UBFD1: variants seen among roughly 807,000 people sequenced by gnomAD.
The protein encoded by UBFD1 is ubiquitin domain-containing protein UBFD1.
UBFD1 carries 12 observed loss-of-function variants against 35.1 expected under a neutral mutation model. The ratio of observed to expected loss-of-function variants is 0.34; its 90% CI spans 0.22 to 0.55. The LOEUF (loss-of-function observed/expected upper bound fraction) is 0.55. UBFD1 is among the 20% of genes least tolerant of loss of function. The pLI, the probability that UBFD1 is intolerant of heterozygous loss-of-function variation, is 0.89. For missense variants in UBFD1, 337 were observed against 410.8 expected, an observed-to-expected ratio of 0.82 and a Z score of 1.55; for synonymous variants, 178 against 167.6, an observed-to-expected ratio of 1.06 and a Z score of -0.48.
chr16:23,558,105 C>T lies in UBFD1; in HGVS notation c.181C>T (p.Pro61Ser), dbSNP rs1203828850. 20 of 1,562,034 alleles carry T rather than the reference C, an allele frequency of 1.3e-5. No individual in the cohort carries two copies. The highest frequency in any genetic ancestry group is 5.2e-5 in the East Asian group (2 of 38,606). Residue 61 changes from proline (P) to serine (S), a missense_variant, in exon 2 of 7, where the codon CCC becomes TCC. By Grantham distance (74) the Pro-to-Ser change is moderately conservative (BLOSUM62 -1). Around this residue, in one of 4 missense-constraint regions of UBFD1, gnomAD observed 198 missense variants for 168.4 expected, o/e 1.18. Transcript: ENST00000395878. ...CAGCCTGCAGCCGGCCCCGGCCCAG[C>T]CCCCTGGGGACCCCGCAGCCCAGGC... ...RGSLQPAPAQPPGDPAAQASV... is the reference protein window; with the variant it reads ...RGSLQPAPAQSPGDPAAQASV...
Position 23,570,950 on chromosome 16 carries a change from A to ATTT in UBFD1, c.*360_*361insTTT, listed in dbSNP as rs1567402898. The ATTT allele has an allele frequency of 8.3e-4, 52 of 62,840 alleles. No individual in the cohort carries two copies. Among genetic ancestry groups the ATTT allele is most frequent in the Non-Finnish European group, 1.6e-3 (44 of 26,886 alleles). The allele number at this position is 62,840 out of a possible 1,614,324, so 3.9% of individuals were successfully genotyped here. On this transcript the variant is annotated 3_prime_UTR_variant, in exon 7 of 7. Transcript: ENST00000395878. ...ATGATCAAAAGCTTTGTTTTTTTTA[A>ATTT]AAAAAAAAAAAGCAGTTTCAATTGA...
chr16:23,570,495 C>T lies in UBFD1; in HGVS notation c.835C>T (p.Pro279Ser), dbSNP rs553235584. 9.2e-5 allele frequency: 148 copies of T among 1,613,872 alleles called. 3 individuals carry two copies. The South Asian group carries it at 1.5e-3, about 16-fold the overall frequency. ...TCCCTTCCAGGCGTTTCAGTTGGGC[C>T]CCACGGAAGCCTCTTACTACTGGGT... ...DYHMMAFQLG[P>S]TEASYYWVYW... is the part of the protein sequence containing the mutation. Residue 279 changes from proline (P) to serine (S), a missense_variant, in exon 7 of 7, where the codon CCC becomes TCC. Physicochemically the swap from Pro to Ser is moderately conservative, Grantham distance 74. This residue lies in a region of UBFD1 where 71 missense variants were observed against 149.6 expected (regional missense o/e 0.47). Coordinates refer to ENST00000395878, the MANE Select transcript of UBFD1 (RefSeq NM_019116.3).
chr16:23,560,762 A>G (rs1446115155), intron 3 of UBFD1, among the ~76,000 whole-genome samples: 1 of 152,198 alleles, frequency 6.6e-6, no homozygotes, highest in African/African-American at 2.4e-5. Flanking sequence ...TGAAAGTTCA[A>G]AACTCTAGGG....
At chr16:23,559,270 A>G (rs1407945561) in intron 2 of UBFD1, 198 bp from the exon 3 acceptor site, 2 of 535,726 alleles carry the variant, frequency 3.7e-6, no homozygotes, top group African/African-American at 3.8e-5. Flanking sequence ...ACAGGTCTGT[A>G]CAGAAGGACT....
At position 23,559,685 on chromosome 16, in the gene UBFD1, A is replaced by G. The variant is rs758091122; in HGVS notation, c.564+9A>G. ...CTCTCTGCAGGCAGAAAGTGAGTCC[A>G]TCTTGTGCTTCTTGGTCTTGAGAAA... On this transcript the variant is annotated intron_variant, in intron 3 of 6. Coordinates refer to ENST00000395878, the MANE Select transcript of UBFD1 (RefSeq NM_019116.3). 23 of 1,614,158 alleles carry G rather than the reference A, an allele frequency of 1.4e-5. No homozygotes were observed. The highest frequency in any genetic ancestry group is 2.2e-5 in the East Asian group (1 of 44,890).
Position 23,562,069 on chromosome 16 carries a change from A to C in UBFD1, c.565-137A>C, listed in dbSNP as rs542781044. 9.4e-6 allele frequency: 7 copies of C among 744,948 alleles called. No homozygotes were observed. The Admixed American group carries it at 1.6e-4, about 17-fold the overall frequency. 46.1% of individuals were successfully genotyped at this position (744,948 alleles called of 1,614,324 possible). Reference sequence around the variant, plus strand: ...CTGGACAGCACTGTGCTATAGTTTCAAAGGATCCATAGTCTGTCGTCATTA... The same window carrying C: ...CTGGACAGCACTGTGCTATAGTTTCCAAGGATCCATAGTCTGTCGTCATTA... On this transcript the variant is annotated intron_variant, in intron 3 of 6. Coordinates refer to ENST00000395878, the MANE Select transcript of UBFD1 (RefSeq NM_019116.3).
At chr16:23,559,716 G>C in intron 3 of UBFD1, 40 bp downstream of exon 3, 1 of 1,613,074 alleles carries the variant, frequency 6.2e-7, no homozygotes, top group Non-Finnish European at 8.5e-7. Context: ...AGAAATTTGA[G>C]GCTTTGTCCT....
At chr16:23,562,045 T>C (rs1965942895) in intron 3 of UBFD1, 161 bp from the exon 4 acceptor site, 1 of 615,676 alleles carries the variant, frequency 1.6e-6, no homozygotes, top group Non-Finnish European at 2.8e-6. Flanking sequence ...AAAGTTCTGC[T>C]GGACAGCACT....
intron 3 of UBFD1, among the ~76,000 whole-genome samples, chr16:23,561,130 A>G (rs775086014): frequency 4.6e-5 from 7 of 152,238 alleles, no homozygotes; most frequent in Non-Finnish European, 7.3e-5. Context: ...ATTGAGGCCA[A>G]TTATGATGCA....
intron 5 of UBFD1, chr16:23,566,543 G>A (rs1004569821): frequency 1.9e-5 from 3 of 154,150 alleles, no homozygotes; most frequent in Non-Finnish European, 4.3e-5. Flanking sequence ...TGTATTTTTA[G>A]TAGAGACGGG....
In UBFD1 at chr16:23,574,360, T is replaced by G. The variant is rs551985587; in HGVS notation, c.*3770T>G. The G allele has an allele frequency of 3.3e-5, 5 of 152,768 alleles. No individual in the cohort carries two copies. Among genetic ancestry groups the G allele is most frequent in the East Asian group, 3.9e-4 (2 of 5,190 alleles). 9.5% of individuals were successfully genotyped at this position (152,768 alleles called of 1,614,324 possible). ...CTGTCTTATTGTTTATCCTGTAAGA[T>G]TAGTCAATCGATTAAAGTTTGATAA... On this transcript the variant is annotated 3_prime_UTR_variant, in exon 7 of 7. Coordinates refer to ENST00000395878, the MANE Select transcript of UBFD1 (RefSeq NM_019116.3).
At chr16:23,564,240 G>T (rs1965979718) in intron 5 of UBFD1, 1 of 152,104 alleles carries the variant, frequency 6.6e-6, no homozygotes, top group African/African-American at 2.4e-5. Flanking sequence ...AGGGGTGGTG[G>T]GAAGAGAGAG....
At chr16:23,557,918 C>T (rs1178600772) in intron 1 of UBFD1, 32 bp from the exon 2 acceptor site, 2 of 1,294,710 alleles carry the variant, frequency 1.5e-6, no homozygotes, top group African/African-American at 1.5e-5. Flanking sequence ...GCCCAGCCCG[C>T]GGCGAGCGCC....
chr16:23,563,473 G>A (rs1331803236), intron 5 of UBFD1, among the ~76,000 whole-genome samples: 1 of 151,990 alleles, frequency 6.6e-6, no homozygotes, highest in Non-Finnish European at 1.5e-5. Flanking sequence ...TAGTTACACT[G>A]CAGAACTGTC....
intron 5 of UBFD1, chr16:23,564,071 C>T (rs1965977153): frequency 6.6e-6 from 1 of 152,212 alleles, no homozygotes; most frequent in Non-Finnish European, 1.5e-5. Flanking sequence ...GCCTAAATCA[C>T]CTGTTTCTGA....
chr16:23,570,173 A>G (rs1017761259), intron 6 of UBFD1, among the ~76,000 whole-genome samples: 1 of 151,842 alleles, frequency 6.6e-6, no homozygotes, highest in African/African-American at 2.4e-5. Context: ...CTCAGGCCCC[A>G]CCCCAGACCT....
intron 2 of UBFD1, 174 bp from the exon 3 acceptor site, chr16:23,559,294 C>A: frequency 1.7e-6 from 1 of 592,458 alleles, no homozygotes; most frequent in Admixed American, 3.1e-5. Flanking sequence ...TCTAATAAAT[C>A]TTCTACAGTT....
chr16:23,566,051 C>T (rs1427120962), intron 5 of UBFD1: 1 of 152,250 alleles, frequency 6.6e-6, no homozygotes, highest in East Asian at 1.9e-4. Flanking sequence ...GCCTCAATGT[C>T]TTCTGACCCC....
At chr16:23,564,970 G>A (rs1022379720) in intron 5 of UBFD1, 1 of 152,198 alleles carries the variant, frequency 6.6e-6, no homozygotes, top group African/African-American at 2.4e-5. Context: ...GTCTTGTTGA[G>A]GAGCATGGCC....
Sources: gnomAD v4.1 joint callset for allele counts (sites outside exome capture counted in the v4.1 genomes callset) on GRCh38, gnomAD v4.1.1 for gene constraint, gnomAD v4.1.1 regional missense constraint, MANE v1.5 for transcripts, NCBI Gene and HGNC (gene_info 2026-07-23, HGNC 2026-07-21) for gene names.